The following AGBL4 variants were observed in gnomAD, a reference collection of about 807,000 sequenced individuals.
The protein encoded by AGBL4 is AGBL carboxypeptidase 4.
AGBL4 carries 58 observed loss-of-function variants against 66.4 expected under a neutral mutation model. The observed-to-expected ratio is 0.87, with a 90% CI of 0.71 to 1.09. The LOEUF (loss-of-function observed/expected upper bound fraction) is 1.09. Among genes scored for constraint, AGBL4 ranks in the 50% least tolerant of loss-of-function variants. The pLI is 0.00. For synonymous variants in AGBL4, 234 were observed against 222.9 expected (o/e 1.05, Z -0.44); for missense variants, 579 against 631.0 (o/e 0.92, Z 0.88).
chr1:49,548,469 A>C (rs933464751), intron 3 of AGBL4, among the ~76,000 whole-genome samples: 3 of 152,168 alleles, frequency 2.0e-5, no homozygotes, highest in African/African-American at 7.2e-5. Context: ...AATTTTGCTG[A>C]AAGTTTTAAT....
chr1:49,507,323 A>C (rs1648788907), intron 3 of AGBL4, among the ~76,000 whole-genome samples: 1 of 151,964 alleles, frequency 6.6e-6, no homozygotes, highest in African/African-American at 2.4e-5. Context: ...CACAGCCACA[A>C]GAGAGAGCCA....
rs1052255180 is a variant in AGBL4, at chr1:49,482,322, T to C, written c.282+214991A>G. 5.9e-5 allele frequency among the ~76,000 whole-genome samples: 9 copies of C among 152,148 alleles called. No homozygotes were observed. In the East Asian group the frequency reaches 7.8e-4, roughly 13 times the overall value. On this transcript the variant is annotated intron_variant, in intron 3 of 13. Coordinates refer to ENST00000371839, the MANE Select transcript of AGBL4 (RefSeq NM_032785.4). ...TTCATTACTGCCTCAGAGCTCATTATTGGGCTGATCGGAAATTCAGTTTCT... is the reference window on the plus strand; with the variant it reads ...TTCATTACTGCCTCAGAGCTCATTACTGGGCTGATCGGAAATTCAGTTTCT...
rs75719009 is a variant in AGBL4, at chr1:49,519,466, G to A, written c.282+177847C>T. Among the ~76,000 whole-genome samples the A allele has an allele frequency of 9.2e-4, 140 of 151,978 alleles. No individual in the cohort carries two copies. In the East Asian group the frequency reaches 0.013, roughly 14 times the overall value. ...AATTAGTTTGCTTTTATTTAATACC[G>A]GAGTTCATCCTGTTTTACAGGTGAA... On this transcript the variant is annotated intron_variant, in intron 3 of 13. Transcript: ENST00000371839.
chr1:48,960,972 A>G (rs992150166), intron 5 of AGBL4, among the ~76,000 whole-genome samples: 1 of 152,252 alleles, frequency 6.6e-6, no homozygotes, highest in Admixed American at 6.5e-5. Context: ...GGCCTCACCT[A>G]GCACACTCAT....
intron 4 of AGBL4, among the ~76,000 whole-genome samples, chr1:49,090,915 G>C (rs761700650): frequency 4.6e-5 from 7 of 152,164 alleles, no homozygotes; most frequent in Non-Finnish European, 7.4e-5. Context: ...ACAGAATAGA[G>C]AGCCCAGAAA....
chr1:49,507,784 G>A (rs1424912769), intron 3 of AGBL4, among the ~76,000 whole-genome samples: 1 of 151,714 alleles, frequency 6.6e-6, no homozygotes, highest in Admixed American at 6.6e-5. Context: ...AGATTACAAG[G>A]ATTCATAATT....
chr1:49,004,988 T>G (rs1282508942), intron 5 of AGBL4, among the ~76,000 whole-genome samples: 1 of 152,136 alleles, frequency 6.6e-6, no homozygotes, highest in Non-Finnish European at 1.5e-5. Flanking sequence ...GCAGTCCAAA[T>G]AACTTCTTAT....
At chr1:48,870,822 G>T (rs761182308) in intron 5 of AGBL4, among the ~76,000 whole-genome samples, 1 of 152,128 alleles carries the variant, frequency 6.6e-6, no homozygotes, top group Non-Finnish European at 1.5e-5. Context: ...GCAGATATGC[G>T]TAGGCTGTTG....
At chr1:49,733,762 T>C (rs1441983924) in intron 2 of AGBL4, among the ~76,000 whole-genome samples, 1 of 152,194 alleles carries the variant, frequency 6.6e-6, no homozygotes, top group Non-Finnish European at 1.5e-5. Context: ...TGTTCTGCTT[T>C]TCTGCCATGT....
rs181793294 is a variant in AGBL4, at chr1:49,538,611, G to A, written c.282+158702C>T. On this transcript the variant is annotated intron_variant, in intron 3 of 13. Coordinates refer to ENST00000371839, the MANE Select transcript of AGBL4 (RefSeq NM_032785.4). ...AAAATACACACAAAGACTGAAATACGCTGATAATTATCATTAGTGGCAAAA... is the reference window on the plus strand; with the variant it reads ...AAAATACACACAAAGACTGAAATACACTGATAATTATCATTAGTGGCAAAA... 6.6e-5 allele frequency among the ~76,000 whole-genome samples: 10 copies of A among 152,240 alleles called. No homozygotes were observed. The East Asian group carries it at 1.4e-3, about 21-fold the overall frequency.
At chr1:49,644,287 T>A (rs1024269955) in intron 3 of AGBL4, among the ~76,000 whole-genome samples, 1 of 151,548 alleles carries the variant, frequency 6.6e-6, no homozygotes, top group Non-Finnish European at 1.5e-5. Context: ...AGAGGCAACA[T>A]TGAACACAGA....
intron 4 of AGBL4, among the ~76,000 whole-genome samples, chr1:49,108,129 T>C (rs1458345377): frequency 6.6e-6 from 1 of 152,242 alleles, no homozygotes; most frequent in African/African-American, 2.4e-5. Flanking sequence ...CTCTGCACTG[T>C]AAGAACGTTG....
intron 6 of AGBL4, among the ~76,000 whole-genome samples, chr1:48,744,125 C>T (rs1298549769): frequency 1.3e-5 from 2 of 152,130 alleles, no homozygotes; most frequent in African/African-American, 4.8e-5. Context: ...CCTGGCAGAG[C>T]GAAGGACCAA....
intron 3 of AGBL4, among the ~76,000 whole-genome samples, chr1:49,560,045 A>G (rs1054103632): frequency 2.0e-5 from 3 of 152,134 alleles, no homozygotes; most frequent in Non-Finnish European, 4.4e-5. Flanking sequence ...CCTGCAATGA[A>G]TATCTACCTC....
At chr1:48,529,796 C>G (rs554166277), downstream of AGBL4, among the ~76,000 whole-genome samples, 3 of 152,208 alleles carry the variant, frequency 2.0e-5, no homozygotes, top group East Asian at 5.8e-4. Flanking sequence ...CACGATGGGT[C>G]CAACAACCCT....
intron 1 of AGBL4, among the ~76,000 whole-genome samples, chr1:49,852,188 G>T (rs566182956): frequency 6.6e-6 from 1 of 152,148 alleles, no homozygotes; most frequent in South Asian, 2.1e-4. Flanking sequence ...AAATCTATCA[G>T]AGAGCTGAGT....
At chr1:49,835,436 C>T (rs564086147) in intron 2 of AGBL4, among the ~76,000 whole-genome samples, 11 of 152,244 alleles carry the variant, frequency 7.2e-5, no homozygotes, top group African/African-American at 2.6e-4. Flanking sequence ...AAATATTCCT[C>T]CATCCCTTTA....
At chr1:49,349,687 C>T (rs1201135809) in intron 3 of AGBL4, among the ~76,000 whole-genome samples, 1 of 152,144 alleles carries the variant, frequency 6.6e-6, no homozygotes, top group Non-Finnish European at 1.5e-5. Context: ...TCATTAAGGG[C>T]AGTGTTATGG....
intron 9 of AGBL4, among the ~76,000 whole-genome samples, chr1:48,597,746 A>G (rs1334065742): frequency 6.9e-6 from 1 of 145,298 alleles, no homozygotes; most frequent in African/African-American, 2.6e-5. Flanking sequence ...GGGAGGGGAG[A>G]CAGAAAAGGA....
Sources: allele counts gnomAD v4.1 joint callset (sites outside exome capture counted in the v4.1 genomes callset), GRCh38; gene constraint gnomAD v4.1.1; transcripts MANE v1.5; gene names NCBI Gene and HGNC (gene_info 2026-07-23, HGNC 2026-07-21).